The following HMCN1 variants were observed in gnomAD, a reference collection of about 807,000 sequenced individuals.
HMCN1 encodes the protein hemicentin 1.
A neutral mutation model predicts 625.9 loss-of-function variants in HMCN1; 321 were observed. The ratio of observed to expected loss-of-function variants is 0.51; its 90% CI spans 0.47 to 0.56. The LOEUF (loss-of-function observed/expected upper bound fraction) is 0.56. HMCN1 is among the 20% of genes least tolerant of loss of function. HMCN1 has a pLI of 0.00. For synonymous variants in HMCN1, 2,425 were observed against 2,417.6 expected (o/e 1.00, Z -0.09); for missense variants, 6,588 against 6,887.3 (o/e 0.96, Z 1.54).
chr1:186,024,198 A>G (rs1654906123), intron 36 of HMCN1, among the ~76,000 whole-genome samples: 2 of 152,154 alleles, frequency 1.3e-5, no homozygotes, highest in Non-Finnish European at 2.9e-5. Context: ...TTGGGAGACG[A>G]ATATCTGAAT....
rs1399423119 is a variant in HMCN1, at chr1:185,820,905, C to T, written c.269-25121C>T. 2.6e-5 allele frequency among the ~76,000 whole-genome samples: 4 copies of T among 152,156 alleles called. No homozygotes were observed. The East Asian group carries it at 7.7e-4, about 29-fold the overall frequency. On this transcript the variant is annotated intron_variant, in intron 1 of 106. Transcript: ENST00000271588. ...ATATTTGCTTATGTAGATATTAGAA[C>T]ACTCATTTTAATATGTGGATTTTGA... is the stretch of plus-strand genomic sequence containing the variant.
In HMCN1 at chr1:186,145,762, G is replaced by T; in HGVS notation, c.14447G>T (p.Ser4816Ile). The T allele has an allele frequency of 6.2e-7, 1 of 1,614,164 alleles. No individual in the cohort carries two copies. The highest frequency in any genetic ancestry group is 1.3e-5 in the African/African-American group (1 of 75,058). The part of the protein sequence containing the change: ...CNTDMCPVDG[S>I]WGSWHSWSQC... ...CCATTCTTGTTCACAGTGGATGGAA[G>T]TTGGGGAAGCTGGCATAGTTGGAGC... is the stretch of plus-strand genomic sequence containing the variant. Residue 4816 changes from serine (S) to isoleucine (I), a missense_variant, in exon 93 of 107, where the codon AGT (serine) becomes ATT (isoleucine). By Grantham distance (142) the Ser-to-Ile change is moderately radical. Around this residue, in one of 3 missense-constraint regions of HMCN1, gnomAD observed 1,954 missense variants for 2,013.1 expected, o/e 0.97. Coordinates refer to ENST00000271588, the MANE Select transcript of HMCN1 (RefSeq NM_031935.3).
intron 4 of HMCN1, among the ~76,000 whole-genome samples, chr1:185,882,991 C>A (rs1664404606): frequency 6.6e-6 from 1 of 151,958 alleles, no homozygotes; most frequent in African/African-American, 2.4e-5. Flanking sequence ...TATTATAGTG[C>A]CAGATTGTGA....
chr1:186,160,943 G>A (rs1329968101), intron 97 of HMCN1, among the ~76,000 whole-genome samples: 1 of 151,892 alleles, frequency 6.6e-6, no homozygotes, highest in Non-Finnish European at 1.5e-5. Context: ...AGGTCCACTT[G>A]GTGCAGAGCT....
At chr1:185,738,687 G>A (rs1479312058) in intron 1 of HMCN1, among the ~76,000 whole-genome samples, 2 of 152,054 alleles carry the variant, frequency 1.3e-5, no homozygotes, top group African/African-American at 4.8e-5. Context: ...CGCTGTGTGA[G>A]GGTTCCGATT....
At chr1:185,779,092 G>C (rs1571338078) in intron 1 of HMCN1, among the ~76,000 whole-genome samples, 1 of 152,190 alleles carries the variant, frequency 6.6e-6, no homozygotes, top group African/African-American at 2.4e-5. Context: ...TTCTCTGATG[G>C]CCAGTGATGA....
chr1:185,962,546 G>A lies in HMCN1; in HGVS notation c.1857G>A (p.Lys619=), dbSNP rs1650100269. The change falls in exon 12 of 107, where the codon AAG becomes AAA. Residue 619 remains lysine (K), a synonymous_variant. Transcript: ENST00000271588. ...QEPPKVTVMP[K]NQSFTGGSEV... ...CACCCAAAGTCACTGTGATGCCCAAGAATCAGTCTTTCACAGGAGGGTCTG... is the reference window on the plus strand; with the variant it reads ...CACCCAAAGTCACTGTGATGCCCAAAAATCAGTCTTTCACAGGAGGGTCTG... The A allele has an allele frequency of 6.2e-7, 1 of 1,613,196 alleles. No individual in the cohort carries two copies. The highest frequency in any genetic ancestry group is 1.3e-5 in the African/African-American group (1 of 74,886).
At chr1:185,786,215 G>T (rs533699088) in intron 1 of HMCN1, among the ~76,000 whole-genome samples, 14 of 152,130 alleles carry the variant, frequency 9.2e-5, no homozygotes, top group Non-Finnish European at 1.9e-4. Context: ...CAAATCGAAG[G>T]CCCAGAAATC....
chr1:185,959,726 C>T (rs1314901596), intron 11 of HMCN1, among the ~76,000 whole-genome samples: 1 of 152,000 alleles, frequency 6.6e-6, no homozygotes, highest in Non-Finnish European at 1.5e-5. Flanking sequence ...GATTACTTCT[C>T]TCCAAAGCCT....
chr1:186,051,228 G>A (rs1037815719), intron 42 of HMCN1, among the ~76,000 whole-genome samples: 4 of 151,998 alleles, frequency 2.6e-5, no homozygotes, highest in Admixed American at 2.0e-4. Context: ...AAGAAGGACC[G>A]GATGCTCAGG....
chr1:185,856,487 C>CAA (rs58320542), intron 2 of HMCN1, among the ~76,000 whole-genome samples: 69 of 102,708 alleles, frequency 6.7e-4, no homozygotes, highest in South Asian at 9.4e-4. Flanking sequence ...GACCCTGTCT[C>CAA]AAAAAAAAAA....
chr1:185,822,075 G>A (rs561239301), intron 1 of HMCN1, among the ~76,000 whole-genome samples: 312 of 152,186 alleles, frequency 2.1e-3, no homozygotes, highest in Non-Finnish European at 3.5e-3. Flanking sequence ...AACAGGTGGA[G>A]CACAGAGGAT....
intron 57 of HMCN1, among the ~76,000 whole-genome samples, chr1:186,084,438 T>C (rs1470098727): frequency 6.6e-6 from 1 of 152,162 alleles, no homozygotes; most frequent in African/African-American, 2.4e-5. Context: ...GTTAATGATG[T>C]CTTGAGTTCC....
chr1:185,874,375 G>T (rs1384084111), intron 4 of HMCN1, among the ~76,000 whole-genome samples: 1 of 152,056 alleles, frequency 6.6e-6, no homozygotes, highest in African/African-American at 2.4e-5. Context: ...AGATGAAAGA[G>T]TTAAGAGTCA....
intron 1 of HMCN1, among the ~76,000 whole-genome samples, chr1:185,783,199 G>T (rs187030179): frequency 3.2e-4 from 48 of 152,180 alleles, no homozygotes; most frequent in African/African-American, 1.0e-3. Context: ...AGCTCCATCA[G>T]GTCATTTAAG....
rs192654603 is a variant in HMCN1 at position 185,773,552 on chromosome 1, C to G, written c.268+38505C>G. Among the ~76,000 whole-genome samples, 20 of 152,170 alleles carry G rather than the reference C, an allele frequency of 1.3e-4. No individual in the cohort carries two copies. In the East Asian group the frequency reaches 2.1e-3, roughly 16 times the overall value. Reference sequence around the variant, plus strand: ...AGCCAACATGTAGAGGAGGGCAGAACCAAGGAAAATGCAGAGAAAAGGGTT... The same window carrying G: ...AGCCAACATGTAGAGGAGGGCAGAAGCAAGGAAAATGCAGAGAAAAGGGTT... On this transcript the variant is annotated intron_variant, in intron 1 of 106. Transcript: ENST00000271588.
intron 1 of HMCN1, among the ~76,000 whole-genome samples, chr1:185,737,029 C>T (rs1653623630): frequency 6.6e-6 from 1 of 152,086 alleles, no homozygotes; most frequent in South Asian, 2.1e-4. Context: ...GAAGTTTAAA[C>T]ATACTGTTAA....
intron 6 of HMCN1, among the ~76,000 whole-genome samples, chr1:185,912,854 C>T (rs1172691634): frequency 1.3e-5 from 2 of 152,066 alleles, no homozygotes; most frequent in South Asian, 4.1e-4. Flanking sequence ...TCTGGGAGAA[C>T]TCAAATGAAG....
chr1:185,746,754 C>A (rs1057253099), intron 1 of HMCN1, among the ~76,000 whole-genome samples: 1 of 151,804 alleles, frequency 6.6e-6, no homozygotes, highest in Non-Finnish European at 1.5e-5. Context: ...TACAGGTGCC[C>A]ACCACCATGC....
Sources: allele counts gnomAD v4.1 joint callset (sites outside exome capture counted in the v4.1 genomes callset), GRCh38; gene constraint gnomAD v4.1.1; regional missense constraint gnomAD v4.1.1; transcripts MANE v1.5; gene names NCBI Gene and HGNC (gene_info 2026-07-23, HGNC 2026-07-21).